The following TTC7B variants were observed in gnomAD, a reference collection of about 807,000 sequenced individuals.
TTC7B encodes tetratricopeptide repeat protein 7B.
A neutral mutation model predicts 106.8 loss-of-function variants in TTC7B; 28 were observed. The ratio of observed to expected loss-of-function variants is 0.26; its 90% CI spans 0.19 to 0.36. The LOEUF (loss-of-function observed/expected upper bound fraction) is 0.36, where lower values mean the gene tolerates loss of function less well. TTC7B is among the 10% of genes least tolerant of loss of function. The probability of loss-of-function intolerance (pLI) is 1.00; values close to 1 mark genes in which losing one functional copy is unlikely to be tolerated. For synonymous variants in TTC7B, 405 were observed against 430.6 expected (o/e 0.94, Z 0.74); for missense variants, 862 against 1,076.4 (o/e 0.80, Z 2.79).
intron 15 of TTC7B, among the ~76,000 whole-genome samples, chr14:90,623,428 T>C (rs778924022): frequency 3.3e-5 from 5 of 152,220 alleles, no homozygotes; most frequent in Non-Finnish European, 7.3e-5. Flanking sequence ...CCCACCATAC[T>C]ACTGGCACTA....
intron 5 of TTC7B, among the ~76,000 whole-genome samples, chr14:90,701,269 C>T (rs1241550974): frequency 1.3e-5 from 2 of 152,182 alleles, no homozygotes; most frequent in Admixed American, 6.5e-5. Flanking sequence ...ACTACCTCAG[C>T]AATTGAGGCT....
rs1370710701 is a variant in TTC7B at position 90,537,201 on chromosome 14, AT to A, written c.*4166del. 6.6e-6 allele frequency: 1 copy of A among 152,210 alleles called. No individual in the cohort carries two copies. The highest frequency in any genetic ancestry group is 1.5e-5 in the Non-Finnish European group (1 of 68,040). 9.4% of individuals were successfully genotyped at this position (152,210 alleles called of 1,614,324 possible). On this transcript the variant is annotated 3_prime_UTR_variant, in exon 20 of 20. Transcript: ENST00000328459. ...TCATTTAAAATTTTTAATTTATTTT[AT>A]TTGTAGAGATAGGGTCTTGCTCTCT...
chr14:90,803,777 CCGCTACACTGGCAGAAGAGATGAGTA>C (rs773108917), intron 1 of TTC7B, among the ~76,000 whole-genome samples: 59 of 151,608 alleles, frequency 3.9e-4, no homozygotes, highest in Non-Finnish European at 6.0e-4. Context: ...GACAATCCTT[CCGCTACACTGGCAGAAGAGATGAGTA>C]CGCTGGTCAC....
chr14:90,598,619 C>A (rs1892308541), intron 17 of TTC7B, among the ~76,000 whole-genome samples: 2 of 152,206 alleles, frequency 1.3e-5, no homozygotes, highest in Admixed American at 6.5e-5. Context: ...GTTTTCTGAC[C>A]CGTGCTCCTA....
Position 90,757,582 on chromosome 14 carries a change from G to A in TTC7B, c.446-12660C>T, listed in dbSNP as rs1479241222. Among the ~76,000 whole-genome samples the A allele has an allele frequency of 1.3e-5, 2 of 152,210 alleles. No homozygotes were observed. Among genetic ancestry groups the A allele is most frequent in the Non-Finnish European group, 2.9e-5 (2 of 68,036 alleles). On this transcript the variant is annotated intron_variant, in intron 3 of 19. Coordinates refer to ENST00000328459, the MANE Select transcript of TTC7B (RefSeq NM_001010854.2). This position sits in a 1 kb window ranked among gnomAD's most constrained non-coding sequence, Gnocchi z 4.1. ...GCCCAAGGTCACATGGGCAAATCCT[G>A]ATCCAATGAGCTTACTACCACAGCA...
intron 9 of TTC7B, among the ~76,000 whole-genome samples, chr14:90,666,028 C>T (rs1298645157): frequency 6.6e-6 from 1 of 152,168 alleles, no homozygotes; most frequent in Non-Finnish European, 1.5e-5. Flanking sequence ...ATTATCTGAT[C>T]CCATTCTTAC....
chr14:90,609,090 G>A (rs1324684056), intron 17 of TTC7B, among the ~76,000 whole-genome samples: 6 of 152,176 alleles, frequency 3.9e-5, no homozygotes, highest in Non-Finnish European at 8.8e-5. Flanking sequence ...CTACAATGAC[G>A]GGGCCTAAAC....
rs36223089 is a variant in TTC7B, at chr14:90,798,709, C to CAAAAAAAAAAAA, written c.122-12393_122-12382dup. 7.6e-5 allele frequency among the ~76,000 whole-genome samples: 4 copies of CAAAAAAAAAAAA among 52,308 alleles called. 2 individuals carry two copies. The highest frequency in any genetic ancestry group is 1.5e-4 in the Non-Finnish European group (4 of 27,476). 34.3% of individuals were successfully genotyped at this position (52,308 alleles called of 152,430 possible). ...TGGGCGACAGAGTGAGACTCCATCT[C>CAAAAAAAAAAAA]AAAAAAAAAAAAAAAAAAAAAAACA... On this transcript the variant is annotated intron_variant, in intron 1 of 19. Transcript: ENST00000328459.
chr14:90,664,418 C>A (rs1366816356), intron 9 of TTC7B, among the ~76,000 whole-genome samples: 2 of 151,984 alleles, frequency 1.3e-5, no homozygotes, highest in African/African-American at 4.8e-5. Context: ...TACAGGTGCC[C>A]GCCACCAGGC....
intron 5 of TTC7B, among the ~76,000 whole-genome samples, chr14:90,714,549 C>T (rs1749714): frequency 0.13 from 19,440 of 151,620 alleles, 1,393 homozygotes; most frequent in African/African-American, 0.16. Context: ...CTCTACCTCC[C>T]GGGTTCAAGA....
In TTC7B at chr14:90,541,461, G is replaced by A. The variant is rs200889670; in HGVS notation, c.2439C>T (p.Asn813=). 51 of 1,613,900 alleles carry A rather than the reference G, an allele frequency of 3.2e-5. No homozygotes were observed. The highest frequency in any genetic ancestry group is 1.6e-4 in the Middle Eastern group (1 of 6,084). ...GLGEVLQAQG[N]DAAATECFLT... ...GGAAGCACTCCGTAGCCGCCGCATC[G>A]TTGCCCTGAGCTTGGAGGACCTCGC... The change falls in exon 20 of 20, where the codon AAC becomes AAT. Residue 813 remains asparagine (N), a synonymous_variant. Transcript: ENST00000328459.
intron 1 of TTC7B, among the ~76,000 whole-genome samples, chr14:90,810,759 T>C (rs1286310): frequency 0.62 from 93,948 of 152,100 alleles, 30,459 homozygotes; most frequent in Middle Eastern, 0.72. Flanking sequence ...TGTATGATTG[T>C]CTTCTGTAAG....
intron 16 of TTC7B, among the ~76,000 whole-genome samples, chr14:90,612,114 A>C (rs747356724): frequency 2.0e-5 from 3 of 152,184 alleles, no homozygotes; most frequent in Non-Finnish European, 4.4e-5. Context: ...CTCTAACTAC[A>C]TTAGAGAAAT....
In TTC7B at chr14:90,541,376, C is replaced by A; in HGVS notation, c.2524G>T (p.Val842Leu). ...PAVPFTIIPR[V>L]L ...GGCTGGCAGGCGCCTGCTCAGAGCACGCGGGGGATGATGGTGAAGGGCACG... is the reference window on the plus strand; with the variant it reads ...GGCTGGCAGGCGCCTGCTCAGAGCAAGCGGGGGATGATGGTGAAGGGCACG... The change falls in exon 20 of 20, where the codon GTG becomes TTG. Residue 842 changes from valine (V) to leucine (L), a missense_variant. Val to Leu is a conservative substitution (Grantham distance 32, BLOSUM62 1). Coordinates refer to ENST00000328459, the MANE Select transcript of TTC7B (RefSeq NM_001010854.2). The A allele has an allele frequency of 2.5e-6, 4 of 1,604,094 alleles. No individual in the cohort carries two copies. The highest frequency in any genetic ancestry group is 3.4e-6 in the Non-Finnish European group (4 of 1,175,916).
In TTC7B at chr14:90,531,769, G is replaced by T. The variant is rs1441163677; in HGVS notation, c.*9599C>A. On this transcript the variant is annotated 3_prime_UTR_variant, in exon 20 of 20. Transcript: ENST00000328459. Reference sequence around the variant, plus strand: ...TGAAAGCAATGAAGTGAAATTTGAAGTTGAAATTTTTGAAGTGAAATTGTA... The same window carrying T: ...TGAAAGCAATGAAGTGAAATTTGAATTTGAAATTTTTGAAGTGAAATTGTA... 2 of 152,224 alleles carry T rather than the reference G, an allele frequency of 1.3e-5. No homozygotes were observed. Among genetic ancestry groups the T allele is most frequent in the Admixed American group, 1.3e-4 (2 of 15,284 alleles). 9.4% of individuals were successfully genotyped at this position (152,224 alleles called of 1,614,324 possible).
At chr14:90,655,738 G>A (rs749026515) in intron 11 of TTC7B, among the ~76,000 whole-genome samples, 8 of 152,130 alleles carry the variant, frequency 5.3e-5, no homozygotes, top group Non-Finnish European at 7.3e-5. Flanking sequence ...TATGGCAAAT[G>A]TTGATGATAT....
chr14:90,673,926 T>C (rs1174215934), intron 9 of TTC7B, among the ~76,000 whole-genome samples: 1 of 152,022 alleles, frequency 6.6e-6, no homozygotes, highest in East Asian at 1.9e-4. Context: ...TGACAGGAAC[T>C]TGGTGGGAGT....
At chr14:90,586,660 C>A (rs935390920) in intron 18 of TTC7B, among the ~76,000 whole-genome samples, 2 of 152,212 alleles carry the variant, frequency 1.3e-5, no homozygotes, top group African/African-American at 4.8e-5. Flanking sequence ...GTCTTAGCAC[C>A]TATCTTAGGC....
intron 16 of TTC7B, among the ~76,000 whole-genome samples, chr14:90,611,061 C>A (rs768161176): frequency 1.3e-5 from 2 of 152,226 alleles, no homozygotes; most frequent in African/African-American, 4.8e-5. Context: ...ACCACACCCA[C>A]AGACCCTGGC....
Sources: allele counts gnomAD v4.1 joint callset (sites outside exome capture counted in the v4.1 genomes callset), GRCh38; gene constraint gnomAD v4.1.1; non-coding constraint Gnocchi (gnomAD v3.1); transcripts MANE v1.5; gene names NCBI Gene and HGNC (gene_info 2026-07-23, HGNC 2026-07-21).